Variants in EPHA6 observed in about 807,000 individuals in gnomAD.
EPHA6 encodes the protein ephrin type-A receptor 6.
In EPHA6, 50 loss-of-function variants were observed where a neutral mutation model predicts 112.0. The ratio of observed to expected loss-of-function variants is 0.45; its 90% CI spans 0.36 to 0.56. EPHA6 has a LOEUF of 0.56. Ranked by LOEUF, EPHA6 falls within the 20% of genes least tolerant of loss-of-function variation. EPHA6 has a pLI of 0.00. For synonymous variants in EPHA6, 529 were observed against 490.7 expected (o/e 1.08, Z -1.03); for missense variants, 1,280 against 1,417.4 (o/e 0.90, Z 1.56).
intron 12 of EPHA6, among the ~76,000 whole-genome samples, chr3:97,601,735 G>A (rs1422826241): frequency 6.6e-6 from 1 of 151,792 alleles, no homozygotes; most frequent in Admixed American, 6.6e-5. Flanking sequence ...AGTAGTCAGT[G>A]GTTTAATTAT....
At chr3:96,977,138 A>G (rs1313998413) in intron 2 of EPHA6, among the ~76,000 whole-genome samples, 3 of 152,206 alleles carry the variant, frequency 2.0e-5, no homozygotes, top group African/African-American at 7.2e-5. Flanking sequence ...TATTTTAAAT[A>G]TGAACCTGGA....
At position 97,090,567 on chromosome 3, in the gene EPHA6, A is replaced by G. The variant is rs183883543; in HGVS notation, c.1114+102574A>G. On this transcript the variant is annotated intron_variant, in intron 3 of 17. Coordinates refer to ENST00000389672, the MANE Select transcript of EPHA6 (RefSeq NM_001080448.3). ...AGGGAAAAGGCAATCTACAGTAACT[A>G]AAAAACAAATTCTAATTCATTGCCT... Among the ~76,000 whole-genome samples the G allele has an allele frequency of 2.9e-3, 438 of 152,218 alleles. 7 individuals are homozygous for G. The highest frequency in any genetic ancestry group is 8.8e-4 in the Non-Finnish European group (60 of 67,964).
At chr3:97,281,586 G>A (rs2080288446) in intron 5 of EPHA6, among the ~76,000 whole-genome samples, 1 of 151,922 alleles carries the variant, frequency 6.6e-6, no homozygotes, top group Non-Finnish European at 1.5e-5. Flanking sequence ...TCAAAAACAA[G>A]CCTGAAGGGA....
intron 2 of EPHA6, among the ~76,000 whole-genome samples, chr3:96,868,671 A>C (rs914265129): frequency 1.3e-5 from 2 of 151,982 alleles, no homozygotes; most frequent in Non-Finnish European, 2.9e-5. Context: ...TGGAAGAGAC[A>C]TGTAGACAAT....
chr3:97,208,003 A>G (rs577707945), intron 3 of EPHA6, among the ~76,000 whole-genome samples: 5 of 152,276 alleles, frequency 3.3e-5, no homozygotes, highest in African/African-American at 7.2e-5. Context: ...CCGTATTCCA[A>G]TCAGACCCAT....
chr3:97,459,595 G>A (rs943383866), intron 7 of EPHA6, among the ~76,000 whole-genome samples: 9 of 152,152 alleles, frequency 5.9e-5, no homozygotes, highest in African/African-American at 2.2e-4. Flanking sequence ...TAGTTTTGGA[G>A]ACAGGCAATC....
At chr3:97,344,137 C>T (rs2083434860) in intron 5 of EPHA6, among the ~76,000 whole-genome samples, 2 of 152,040 alleles carry the variant, frequency 1.3e-5, no homozygotes, top group Non-Finnish European at 2.9e-5. Flanking sequence ...GAGTCTCACC[C>T]ATATCTGATT....
chr3:97,084,849 G>A (rs990013537), intron 3 of EPHA6, among the ~76,000 whole-genome samples: 30 of 151,962 alleles, frequency 2.0e-4, no homozygotes, highest in African/African-American at 6.5e-4. Context: ...AACCGAAACA[G>A]CATGGTACTG....
intron 2 of EPHA6, among the ~76,000 whole-genome samples, chr3:96,942,469 G>A (rs1032721634): frequency 1.2e-4 from 19 of 152,298 alleles, no homozygotes; most frequent in East Asian, 3.9e-4. Context: ...TTGGAAAAGC[G>A]CAGTATTAGG....
chr3:97,210,829 G>A (rs997292023), intron 3 of EPHA6, among the ~76,000 whole-genome samples: 1 of 152,224 alleles, frequency 6.6e-6, no homozygotes, highest in Non-Finnish European at 1.5e-5. Flanking sequence ...TCTGCCCCAT[G>A]CAGCATCAGC....
chr3:97,473,649 CA>C (rs1181702462), intron 7 of EPHA6, among the ~76,000 whole-genome samples: 2 of 151,792 alleles, frequency 1.3e-5, no homozygotes, highest in Non-Finnish European at 3.0e-5. Flanking sequence ...GCTTTATCTT[CA>C]AAAAGATAAT....
At chr3:97,342,298 T>C (rs1559903418) in intron 5 of EPHA6, among the ~76,000 whole-genome samples, 1 of 152,220 alleles carries the variant, frequency 6.6e-6, no homozygotes, top group Admixed American at 6.5e-5. Context: ...GTTCACCCTT[T>C]TAAATTTTAC....
chr3:97,479,953 T>A (rs2091482054), intron 9 of EPHA6, among the ~76,000 whole-genome samples: 1 of 152,120 alleles, frequency 6.6e-6, no homozygotes, highest in Non-Finnish European at 1.5e-5. Context: ...CACCTCCACC[T>A]CCAAATTGCA....
chr3:97,097,371 T>A (rs1002538187), intron 3 of EPHA6, among the ~76,000 whole-genome samples: 1 of 151,928 alleles, frequency 6.6e-6, no homozygotes, highest in Admixed American at 6.6e-5. Flanking sequence ...GTTATTTAAT[T>A]TATTCTTCCT....
At chr3:97,505,240 G>T (rs189313656) in intron 10 of EPHA6, among the ~76,000 whole-genome samples, 1 of 152,244 alleles carries the variant, frequency 6.6e-6, no homozygotes, top group African/African-American at 2.4e-5. Context: ...TGCAGAACAT[G>T]CAAGTTTGCT....
chr3:97,709,380 C>A (rs2033848817), intron 14 of EPHA6, among the ~76,000 whole-genome samples: 1 of 152,198 alleles, frequency 6.6e-6, no homozygotes, highest in Non-Finnish European at 1.5e-5. Context: ...GGGCCTGTGG[C>A]CCCTTTGTTT....
chr3:96,979,018 T>G (rs1206827590), intron 2 of EPHA6, among the ~76,000 whole-genome samples: 2 of 152,294 alleles, frequency 1.3e-5, no homozygotes, highest in Non-Finnish European at 2.9e-5. Context: ...TTTGTTAATA[T>G]GAAGTGATGA....
intron 2 of EPHA6, among the ~76,000 whole-genome samples, chr3:96,894,190 A>G (rs768108762): frequency 2.6e-5 from 4 of 152,306 alleles, no homozygotes; most frequent in Admixed American, 6.5e-5. Context: ...TATGTCAGTA[A>G]GAACACACTG....
At chr3:96,958,243 C>T (rs2107742130) in intron 2 of EPHA6, among the ~76,000 whole-genome samples, 1 of 151,644 alleles carries the variant, frequency 6.6e-6, no homozygotes, top group South Asian at 2.1e-4. Flanking sequence ...TGAGCCGGTA[C>T]CCCGCCATTG....
Sources: gnomAD v4.1 joint callset for allele counts (sites outside exome capture counted in the v4.1 genomes callset) on GRCh38, gnomAD v4.1.1 for gene constraint, MANE v1.5 for transcripts, NCBI Gene and HGNC (gene_info 2026-07-23, HGNC 2026-07-21) for gene names.